Variants in PDE1C observed in about 807,000 individuals in gnomAD.
PDE1C encodes the protein phosphodiesterase 1C, also known as dual specificity calcium/calmodulin-dependent 3',5'-cyclic nucleotide phosphodiesterase 1C.
PDE1C carries 62 observed loss-of-function variants against 93.1 expected under a neutral mutation model. The ratio of observed to expected loss-of-function variants is 0.67; its 90% CI spans 0.54 to 0.82. The LOEUF is 0.82. Among genes scored for constraint, PDE1C ranks in the 40% least tolerant of loss-of-function variants. The pLI, the probability that PDE1C is intolerant of heterozygous loss-of-function variation, is 0.00. For missense variants in PDE1C, 742 were observed against 884.6 expected (o/e 0.84, Z 2.04); for synonymous variants, 325 against 310.1 (o/e 1.05, Z -0.50).
intron 3 of PDE1C, among the ~76,000 whole-genome samples, chr7:32,112,625 T>C (rs79056892): frequency 1.2e-4 from 2 of 16,864 alleles, no homozygotes; most frequent in Non-Finnish European, 3.8e-4. Context: ...TCTAGCTGCT[T>C]TTTTTTTTTT....
chr7:32,339,550 A>G (rs969495369), intron 1 of PDE1C, among the ~76,000 whole-genome samples: 1 of 152,240 alleles, frequency 6.6e-6, no homozygotes, highest in Non-Finnish European at 1.5e-5. Flanking sequence ...TAATCAAAAA[A>G]TGAAGAATTA....
At position 31,903,758 on chromosome 7, in the gene PDE1C, T is replaced by C. The variant is rs1327777693; in HGVS notation, c.129-22898A>G. On this transcript the variant is annotated intron_variant, in intron 2 of 17. Transcript: ENST00000396191. ...TCTCCAAAGATGAGAAAGATTTGCC[T>C]GAGTCAAATAGGAAGTCACTTGGTC... Among the ~76,000 whole-genome samples the C allele has an allele frequency of 3.3e-5, 5 of 152,248 alleles. No individual in the cohort carries two copies. The East Asian group carries it at 9.6e-4, about 29-fold the overall frequency.
At chr7:32,290,339 G>A (rs926131413) in intron 1 of PDE1C, among the ~76,000 whole-genome samples, 3 of 152,202 alleles carry the variant, frequency 2.0e-5, no homozygotes, top group South Asian at 2.1e-4. Flanking sequence ...CCAGGAGCAG[G>A]CGGGTGAGCA....
chr7:32,068,227 G>C (rs1795628810), intron 1 of PDE1C, among the ~76,000 whole-genome samples: 1 of 152,072 alleles, frequency 6.6e-6, no homozygotes, highest in Non-Finnish European at 1.5e-5. Context: ...AATCTGTTGT[G>C]TGGACAAATA....
At chr7:31,900,827 G>T (rs376367656) in intron 2 of PDE1C, among the ~76,000 whole-genome samples, 2 of 151,602 alleles carry the variant, frequency 1.3e-5, no homozygotes, top group African/African-American at 4.8e-5. Flanking sequence ...TGTTTAATAA[G>T]TTCTTCAGAT....
rs573189962 is a variant in PDE1C at position 31,884,743 on chromosome 7, G to C, written c.129-3883C>G. Among the ~76,000 whole-genome samples the C allele has an allele frequency of 2.0e-5, 3 of 152,118 alleles. No homozygotes were observed. In the East Asian group the frequency reaches 5.8e-4, roughly 29 times the overall value. On this transcript the variant is annotated intron_variant, in intron 2 of 17. Transcript: ENST00000396191. ...CCCTGCCATATCCTACCTACCTCTT[G>C]GTGAAATGGCTATTCTTTGGGCAAA...
chr7:31,794,073 C>CAGATAGATAGATAGATAGATAGAT (rs1403714502), intron 16 of PDE1C, among the ~76,000 whole-genome samples: 74 of 134,120 alleles, frequency 5.5e-4, no homozygotes, highest in African/African-American at 5.1e-4. Context: ...GACAGACAGA[C>CAGATAGATAGATAGATAGATAGAT]AGACAGACAG....
chr7:31,899,846 G>C (rs1799759727), intron 2 of PDE1C, among the ~76,000 whole-genome samples: 1 of 152,152 alleles, frequency 6.6e-6, no homozygotes, highest in African/African-American at 2.4e-5. Context: ...GATTCTCAAG[G>C]GGGGTTGCAA....
intron 2 of PDE1C, among the ~76,000 whole-genome samples, chr7:31,887,828 T>C (rs1480800113): frequency 6.6e-6 from 1 of 152,220 alleles, no homozygotes; most frequent in Non-Finnish European, 1.5e-5. Context: ...ATTTCAAGTG[T>C]ATGGAAATTT....
At chr7:32,422,509 C>A (rs1465682206) in intron 1 of PDE1C, among the ~76,000 whole-genome samples, 1 of 140,256 alleles carries the variant, frequency 7.1e-6, no homozygotes, top group Middle Eastern at 3.3e-3. Flanking sequence ...CTCAGCTAGT[C>A]CCCAGTGTCT....
intron 2 of PDE1C, among the ~76,000 whole-genome samples, chr7:31,891,500 C>T (rs544228407): frequency 1.4e-4 from 21 of 152,160 alleles, no homozygotes; most frequent in Admixed American, 8.5e-4. Context: ...CGTAATCATC[C>T]TAATTATCAG....
the PDE1C span, among the ~76,000 whole-genome samples, chr7:31,711,663 C>T: frequency 2.0e-5 from 3 of 152,260 alleles, no homozygotes; most frequent in East Asian, 1.9e-4. Flanking sequence ...CTTTCCAGTA[C>T]TCAAAATTTA....
At chr7:31,764,611 A>G (rs770758698) in intron 17 of PDE1C, among the ~76,000 whole-genome samples, 31 of 152,194 alleles carry the variant, frequency 2.0e-4, no homozygotes, top group Non-Finnish European at 4.0e-4. Flanking sequence ...TTCTTAAGAC[A>G]CGTTGCGTTT....
intron 3 of PDE1C, among the ~76,000 whole-genome samples, chr7:32,119,670 A>G (rs770913074): frequency 2.0e-5 from 3 of 151,658 alleles, no homozygotes; most frequent in Non-Finnish European, 4.4e-5. Flanking sequence ...GCAGCAGCCC[A>G]CCTGAGAGCC....
At chr7:32,361,637 C>T (rs1375054447) in intron 1 of PDE1C, among the ~76,000 whole-genome samples, 1 of 152,206 alleles carries the variant, frequency 6.6e-6, no homozygotes, top group Non-Finnish European at 1.5e-5. Flanking sequence ...TCTGCCTCTT[C>T]AAGGTCCACC....
intron 3 of PDE1C, among the ~76,000 whole-genome samples, chr7:32,116,526 T>C (rs951953794): frequency 2.0e-5 from 3 of 152,176 alleles, no homozygotes; most frequent in Non-Finnish European, 2.9e-5. Flanking sequence ...GCAGGGGGCC[T>C]GCTCATAATA....
chr7:32,012,135 G>A (rs917867663), intron 2 of PDE1C, among the ~76,000 whole-genome samples: 6 of 152,164 alleles, frequency 3.9e-5, no homozygotes, highest in Admixed American at 3.3e-4. Context: ...CCTGAGGCTA[G>A]GTAATTCCTA....
intron 1 of PDE1C, among the ~76,000 whole-genome samples, chr7:32,355,452 C>A (rs1399609776): frequency 6.6e-6 from 1 of 152,204 alleles, no homozygotes; most frequent in Non-Finnish European, 1.5e-5. Flanking sequence ...GGCATCGTGG[C>A]ACACACTCCT....
chr7:32,207,846 C>T (rs981808532), intron 2 of PDE1C, among the ~76,000 whole-genome samples: 2 of 152,100 alleles, frequency 1.3e-5, no homozygotes, highest in African/African-American at 2.4e-5. Context: ...CCGCCCTCCC[C>T]CCAACCTTCG....
Sources: allele counts gnomAD v4.1 joint callset (sites outside exome capture counted in the v4.1 genomes callset), GRCh38; gene constraint gnomAD v4.1.1; transcripts MANE v1.5; gene names NCBI Gene and HGNC (gene_info 2026-07-23, HGNC 2026-07-21).